Variants in GPR143 observed in about 807,000 individuals in gnomAD.
The protein encoded by GPR143 is G-protein coupled receptor 143.
Under a neutral mutation model 27.6 loss-of-function variants are expected in GPR143, and 8 were observed. The ratio of observed to expected loss-of-function variants is 0.29; its 90% confidence interval spans 0.17 to 0.52. GPR143 has a LOEUF of 0.52. Ranked by LOEUF, GPR143 falls within the 20% of genes least tolerant of loss-of-function variation. The pLI is 0.96. For synonymous variants in GPR143, 156 were observed against 153.2 expected (o/e 1.02, Z -0.13); for missense variants, 303 against 343.1 (o/e 0.88, Z 0.92).
intron 4 of GPR143, 126 bp downstream of exon 4, chrX:9,748,448 G>A: frequency 1.9e-6 from 1 of 527,303 alleles, no homozygotes; most frequent in South Asian, 2.5e-5. Flanking sequence ...GGCCTCATGT[G>A]GCCCTGAGAC....
At chrX:9,777,030 A>G (rs933227262) in intron 1 of GPR143, among the ~76,000 whole-genome samples, 6 of 112,115 alleles carry the variant, frequency 5.4e-5, no homozygotes, top group African/African-American at 1.9e-4. Flanking sequence ...CAACTCTGCC[A>G]TAAGAACCAT....
At chrX:9,749,226 T>TCCCCCC (rs1315734826) in intron 3 of GPR143, among the ~76,000 whole-genome samples, 7 of 73,097 alleles carry the variant, frequency 9.6e-5, no homozygotes, top group African/African-American at 3.9e-4. Flanking sequence ...GGGATTTCCC[T>TCCCCCC]CCCCCCCCAA....
upstream of GPR143, among the ~76,000 whole-genome samples, chrX:9,769,040 G>A (rs758608666): frequency 1.4e-4 from 16 of 111,618 alleles, no homozygotes; most frequent in South Asian, 1.9e-3. Context: ...AAATACACAC[G>A]CACACACTTG....
intron 4 of GPR143, among the ~76,000 whole-genome samples, chrX:9,747,323 G>A (rs891243866): frequency 1.4e-4 from 16 of 111,032 alleles, no homozygotes; most frequent in Non-Finnish European, 3.0e-4. Context: ...GATGATTAAG[G>A]ATAAGATGCT....
intron 1 of GPR143, among the ~76,000 whole-genome samples, chrX:9,764,683 T>A (rs1049932496): frequency 9.0e-6 from 1 of 111,262 alleles, no homozygotes; most frequent in Non-Finnish European, 1.9e-5. Context: ...ACGGATTTTT[T>A]AAAACCCAAC....
At chrX:9,751,482 C>G (rs1033552972) in intron 3 of GPR143, among the ~76,000 whole-genome samples, 1 of 112,530 alleles carries the variant, frequency 8.9e-6, no homozygotes, top group African/African-American at 3.2e-5. Flanking sequence ...TACAAGATGG[C>G]TGTCAGCACG....
At chrX:9,753,586 A>G (rs1052732418) in intron 3 of GPR143, among the ~76,000 whole-genome samples, 15 of 111,033 alleles carry the variant, frequency 1.4e-4, no homozygotes, top group African/African-American at 4.6e-4. Context: ...AAGCGAATCC[A>G]GGTGGATCTG....
At chrX:9,765,952 A>C (rs1032320084), upstream of GPR143, 1 of 635,807 alleles carries the variant, frequency 1.6e-6, no homozygotes, top group African/African-American at 2.4e-5. Context: ...CCTGCAGTAG[A>C]GCCAGGCTCG....
At chrX:9,767,816 TCTTTC>T (rs906610966), upstream of GPR143, among the ~76,000 whole-genome samples, 12 of 112,756 alleles carry the variant, frequency 1.1e-4, no homozygotes, top group African/African-American at 2.6e-4. Flanking sequence ...ACAGTGGCTC[TCTTTC>T]CTTCTGCCTT....
At position 9,747,128 on chromosome X, in the gene GPR143, C is replaced by T. The variant is rs1189260531; in HGVS notation, c.549-975G>A. Among the ~76,000 whole-genome samples, 4 of 107,924 alleles carry T rather than the reference C, an allele frequency of 3.7e-5. No individual in the cohort carries two copies. In the South Asian group the frequency reaches 1.2e-3, roughly 33 times the overall value. 93.7% of individuals were successfully genotyped at this position (107,924 alleles called of 115,157 possible). A position where few individuals can be genotyped will look rare whatever the true frequency, so the allele number is the denominator to read the frequency against. On this transcript the variant is annotated intron_variant, in intron 4 of 8. Coordinates refer to ENST00000467482, the MANE Select transcript of GPR143 (RefSeq NM_000273.3). ...AACGCTGCCACTTTCTTTTAACAGGCGGTTTTATCTTTAGCTGTAGAGGCT... is the reference window on the plus strand; with the variant it reads ...AACGCTGCCACTTTCTTTTAACAGGTGGTTTTATCTTTAGCTGTAGAGGCT...
chrX:9,754,908 T>A (rs1353744757), intron 3 of GPR143, among the ~76,000 whole-genome samples: 1 of 111,850 alleles, frequency 8.9e-6, no homozygotes, highest in Non-Finnish European at 1.9e-5. Context: ...GACCTACAGT[T>A]GTGTCAGACC....
intron 1 of GPR143, among the ~76,000 whole-genome samples, chrX:9,761,410 T>C (rs1247321503): frequency 1.8e-5 from 2 of 112,530 alleles, no homozygotes; most frequent in African/African-American, 6.4e-5. Context: ...GAAAATAACT[T>C]ATGGTAGCAA....
chrX:9,763,528 G>A (rs1445016250), intron 1 of GPR143, among the ~76,000 whole-genome samples: 3 of 111,129 alleles, frequency 2.7e-5, no homozygotes, highest in African/African-American at 9.8e-5. Context: ...GAATTATTAT[G>A]TTTTAGGGCT....
At chrX:9,736,891 C>G in intron 8 of GPR143, among the ~76,000 whole-genome samples, 1 of 112,083 alleles carries the variant, frequency 8.9e-6, no homozygotes, top group Non-Finnish European at 1.9e-5. Flanking sequence ...TTAATTTTCT[C>G]CAATAGACTG....
chrX:9,738,295 T>C (rs1230837507), intron 8 of GPR143: 1 of 266,685 alleles, frequency 3.7e-6, no homozygotes, highest in Non-Finnish European at 5.1e-6. Context: ...AGGATGGGAA[T>C]GCAAAGCCAA....
chrX:9,776,309 C>T (rs1282469108), intron 1 of GPR143, among the ~76,000 whole-genome samples: 1 of 112,355 alleles, frequency 8.9e-6, no homozygotes, highest in East Asian at 2.8e-4. Context: ...CCTAAGTCCT[C>T]GGGGTGATTG....
intron 4 of GPR143, chrX:9,747,945 T>G (rs1157638471): frequency 8.7e-6 from 1 of 114,459 alleles, no homozygotes; most frequent in Admixed American, 9.0e-5. Flanking sequence ...CACTTCCATT[T>G]TCCAGTTTTC....
intron 7 of GPR143, among the ~76,000 whole-genome samples, chrX:9,739,966 G>A (rs2083395667): frequency 1.8e-5 from 2 of 111,126 alleles, no homozygotes; most frequent in South Asian, 7.7e-4. Flanking sequence ...GGGGAGAGGA[G>A]GGGACGGGGA....
intron 8 of GPR143, among the ~76,000 whole-genome samples, chrX:9,729,554 C>T (rs2083344110): frequency 8.9e-6 from 1 of 112,295 alleles, no homozygotes; most frequent in Non-Finnish European, 1.9e-5. Context: ...CTGTGCTCAG[C>T]TCAATGAGTG....
Sources: allele counts gnomAD v4.1 joint callset (sites outside exome capture counted in the v4.1 genomes callset), GRCh38; gene constraint gnomAD v4.1.1; transcripts MANE v1.5; gene names NCBI Gene and HGNC (gene_info 2026-07-23, HGNC 2026-07-21).